The following FH variants were observed in gnomAD, a reference collection of about 807,000 sequenced individuals.
FH encodes fumarate hydratase, mitochondrial.
FH carries 22 observed loss-of-function variants against 49.4 expected under a neutral mutation model. The observed-to-expected ratio is 0.45, with a 90% CI of 0.32 to 0.64. The LOEUF (loss-of-function observed/expected upper bound fraction) is 0.64. Among genes scored for constraint, FH ranks in the 30% least tolerant of loss-of-function variants. The pLI is 0.05. For synonymous variants in FH, 208 were observed against 223.0 expected (o/e 0.93, Z 0.60); for missense variants, 526 against 641.5 (o/e 0.82, Z 1.95).
At chr1:241,505,408 G>A (rs1256839528) in intron 6 of FH, among the ~76,000 whole-genome samples, 1 of 152,072 alleles carries the variant, frequency 6.6e-6, no homozygotes, top group Non-Finnish European at 1.5e-5. Context: ...TTAAAATATG[G>A]TTTAAAGACA....
intron 1 of FH, among the ~76,000 whole-genome samples, chr1:241,517,752 C>T (rs534044559): frequency 1.3e-5 from 2 of 152,094 alleles, no homozygotes; most frequent in South Asian, 2.1e-4. Context: ...ACATATATTA[C>T]ATATGTATAT....
Position 241,513,832 on chromosome 1 carries a change from G to A in FH, c.268-119C>T, listed in dbSNP as rs374044096. The A allele has an allele frequency of 9.6e-5, 71 of 738,466 alleles. 1 individual carries two copies. In the East Asian group the frequency reaches 1.6e-3, roughly 17 times the overall value. 45.7% of individuals were successfully genotyped at this position (738,466 alleles called of 1,614,324 possible). On this transcript the variant is annotated intron_variant, in intron 2 of 9. Coordinates refer to ENST00000366560, the MANE Select transcript of FH (RefSeq NM_000143.4). ...ATAACAATAAAACAGTAACACTATA[G>A]CTCTAAAATGTTTCGGTTATAGAGA...
intron 3 of FH, among the ~76,000 whole-genome samples, chr1:241,513,305 TA>T (rs1433626277): frequency 1.3e-5 from 2 of 152,134 alleles, no homozygotes; most frequent in East Asian, 1.9e-4. Context: ...ATATATAAAA[TA>T]AAAAATCAAG....
intron 8 of FH, among the ~76,000 whole-genome samples, chr1:241,501,411 T>C (rs1659776741): frequency 4.6e-5 from 7 of 152,212 alleles, no homozygotes; most frequent in Admixed American, 4.6e-4. Flanking sequence ...GTTATGCACC[T>C]ATAAATGCTG....
intron 9 of FH, among the ~76,000 whole-genome samples, chr1:241,500,036 A>T (rs922687604): frequency 5.9e-5 from 9 of 152,144 alleles, no homozygotes; most frequent in African/African-American, 2.2e-4. Context: ...AAAGCATTGT[A>T]GAGATCTAGG....
chr1:241,504,367 A>C (rs984415640), intron 6 of FH, 122 bp from the exon 7 acceptor site: 7 of 934,832 alleles, frequency 7.5e-6, no homozygotes, highest in Admixed American at 4.8e-5. Context: ...TCAGAAAAAA[A>C]TGTTTACTTA....
rs761954764 is a variant in FH at position 241,504,033 on chromosome 1, T to C, written c.1108+9A>G. 1 of 1,612,400 alleles carries C rather than the reference T, an allele frequency of 6.2e-7. No individual in the cohort carries two copies. The highest frequency in any genetic ancestry group is 2.2e-5 in the East Asian group (1 of 44,864). Reference sequence around the variant, plus strand: ...TTTTAGCTCCAACATTTACTAGCTATGTGATTACCTGGCATGATACTGCTT... The same window carrying C: ...TTTTAGCTCCAACATTTACTAGCTACGTGATTACCTGGCATGATACTGCTT... On this transcript the variant is annotated intron_variant, in intron 7 of 9. Coordinates refer to ENST00000366560, the MANE Select transcript of FH (RefSeq NM_000143.4).
chr1:241,506,645 G>A (rs1009037381), intron 5 of FH, among the ~76,000 whole-genome samples: 2 of 152,118 alleles, frequency 1.3e-5, no homozygotes, highest in African/African-American at 4.8e-5. Flanking sequence ...AACCTACCAG[G>A]AAATATGAAG....
At chr1:241,499,757 T>C (rs1289397094) in intron 9 of FH, among the ~76,000 whole-genome samples, 2 of 152,188 alleles carry the variant, frequency 1.3e-5, no homozygotes, top group African/African-American at 2.4e-5. Context: ...CACATCATAA[T>C]ATAATGCAAC....
In FH at chr1:241,519,656, C is replaced by T. The variant is rs1573889943; in HGVS notation, c.67G>A (p.Ala23Thr). Residue 23 changes from alanine to threonine, a missense_variant, in exon 1 of 10, where the codon GCT (alanine) becomes ACT (threonine). This residue lies in a region of FH where 143 missense variants were observed against 127.5 expected (regional missense o/e 1.12). Coordinates refer to ENST00000366560, the MANE Select transcript of FH (RefSeq NM_000143.4). ...GCGCCACCCAAGCCGGGAGCCGAAG[C>T]TAAGGCTGCGGCTGGAGCCCGCACG... ...PLVRAPAAAL[A>T]SAPGLGGAAV... The T allele has an allele frequency of 6.5e-7, 1 of 1,548,060 alleles. No individual in the cohort carries two copies. Among genetic ancestry groups the T allele is most frequent in the Non-Finnish European group, 8.7e-7 (1 of 1,146,478 alleles).
intron 2 of FH, among the ~76,000 whole-genome samples, 159 bp downstream of exon 2, chr1:241,517,023 C>A (rs1262771436): frequency 6.6e-6 from 1 of 152,144 alleles, no homozygotes; most frequent in African/African-American, 2.4e-5. Context: ...TCAAAAAGTT[C>A]TTTAACATTT....
At chr1:241,515,209 A>G (rs1660184302) in intron 2 of FH, among the ~76,000 whole-genome samples, 1 of 152,202 alleles carries the variant, frequency 6.6e-6, no homozygotes, top group Non-Finnish European at 1.5e-5. Flanking sequence ...TACACATAAT[A>G]AAGTTCAGAA....
Position 241,508,621 on chromosome 1 carries a change from A to G in FH, c.720T>C (p.Val240=), listed in dbSNP as rs1228594697. The change falls in exon 5 of 10, where the codon GTT becomes GTC. Residue 240 remains valine, a synonymous_variant. Coordinates refer to ENST00000366560, the MANE Select transcript of FH (RefSeq NM_000143.4). ...CCTATACCTGCCCAAGAGTAAGTGGAACAGCATCCTGAGTATGAGTACGTC... is the reference window on the plus strand; with the variant it reads ...CCTATACCTGCCCAAGAGTAAGTGGGACAGCATCCTGAGTATGAGTACGTC... ...KIGRTHTQDA[V]PLTLGQEFSG... 6 of 1,613,694 alleles carry G rather than the reference A, an allele frequency of 3.7e-6. No homozygotes were observed. Among genetic ancestry groups the G allele is most frequent in the Non-Finnish European group, 5.1e-6 (6 of 1,179,728 alleles).
At chr1:241,506,298 T>A (rs1659928556) in intron 5 of FH, 130 bp from the exon 6 acceptor site, 1 of 702,216 alleles carries the variant, frequency 1.4e-6, no homozygotes, top group Non-Finnish European at 2.4e-6. Flanking sequence ...TCAAGTTTTA[T>A]TTATACTACT....
Position 241,506,054 on chromosome 1 carries a change from T to C in FH, c.853A>G (p.Thr285Ala), listed in dbSNP as rs200791185. 2.2e-5 allele frequency: 35 copies of C among 1,613,944 alleles called. No homozygotes were observed. In the East Asian group the frequency reaches 7.8e-4, roughly 36 times the overall value. The part of the protein sequence containing the change: ...GGTAVGTGLN[T>A]RIGFAEKVAA... ...ACCTTTTCTGCAAAGCCAATTCTAG[T>C]ATTTAAACCTGTACCAACAGCAGTG... is the stretch of plus-strand genomic sequence containing the variant. The change falls in exon 6 of 10, where the codon ACT becomes GCT. Residue 285 changes from threonine to alanine, a missense_variant. Around this residue, in one of 2 missense-constraint regions of FH, gnomAD observed 383 missense variants for 514.0 expected, o/e 0.75. Coordinates refer to ENST00000366560, the MANE Select transcript of FH (RefSeq NM_000143.4).
At chr1:241,519,319 C>T in intron 1 of FH, 1 of 417,158 alleles carries the variant, frequency 2.4e-6, no homozygotes, top group Non-Finnish European at 4.2e-6. Context: ...CGGACGGCTC[C>T]GAGGAGGCGC....
intron 9 of FH, 128 bp downstream of exon 9, chr1:241,500,309 G>A: frequency 2.3e-6 from 2 of 885,902 alleles, no homozygotes; most frequent in Non-Finnish European, 3.6e-6. Flanking sequence ...CAAATATTTT[G>A]AGATTTTACT....
rs560396948 is a variant in FH at position 241,517,440 on chromosome 1, A to G, written c.133-124T>C. The G allele has an allele frequency of 2.9e-5, 29 of 1,016,500 alleles. No homozygotes were observed. In the African/African-American group the frequency reaches 3.9e-4, roughly 14 times the overall value. 63.0% of individuals were successfully genotyped at this position (1,016,500 alleles called of 1,614,324 possible). A position where few individuals can be genotyped will look rare whatever the true frequency, so the allele number is the denominator to read the frequency against. On this transcript the variant is annotated intron_variant, in intron 1 of 9. Transcript: ENST00000366560. ...AGTATCACAAAGACAAAAAAATACTATTTGGATTCTCATTCTCTTCCTCAC... is the reference window on the plus strand; with the variant it reads ...AGTATCACAAAGACAAAAAAATACTGTTTGGATTCTCATTCTCTTCCTCAC...
intron 4 of FH, among the ~76,000 whole-genome samples, chr1:241,509,076 T>C (rs1197509470): frequency 2.7e-5 from 4 of 148,922 alleles, no homozygotes; most frequent in African/African-American, 9.8e-5. Context: ...TAATATATTA[T>C]GTATTATATT....
Sources: allele counts gnomAD v4.1 joint callset (sites outside exome capture counted in the v4.1 genomes callset), GRCh38; gene constraint gnomAD v4.1.1; regional missense constraint gnomAD v4.1.1; transcripts MANE v1.5; gene names NCBI Gene and HGNC (gene_info 2026-07-23, HGNC 2026-07-21).